The following RBFOX1 variants were observed in gnomAD, a reference collection of about 807,000 sequenced individuals.
RBFOX1 encodes RNA binding protein fox-1 homolog 1.
Under a neutral mutation model 57.7 loss-of-function variants are expected in RBFOX1, and 8 were observed. That is an observed-to-expected ratio of 0.14 (90% CI 0.08 to 0.25). RBFOX1 has a LOEUF of 0.25. RBFOX1 is among the 10% of genes least tolerant of loss of function. The probability of loss-of-function intolerance (pLI) is 1.00; values close to 1 mark genes in which losing one functional copy is unlikely to be tolerated. For missense variants in RBFOX1, 611 were observed against 548.5 expected, an observed-to-expected ratio of 1.11 and a Z score of -1.14; for synonymous variants, 326 against 222.4, an observed-to-expected ratio of 1.47 and a Z score of -4.15.
At chr16:5,464,789 T>C (rs568271590) in intron 1 of RBFOX1, among the ~76,000 whole-genome samples, 2 of 152,026 alleles carry the variant, frequency 1.3e-5, no homozygotes, top group African/African-American at 2.4e-5. Context: ...AAGGAGGCAA[T>C]AGAGAAGGAG....
At chr16:6,987,886 A>T (rs2090642856) in intron 3 of RBFOX1, among the ~76,000 whole-genome samples, 1 of 152,158 alleles carries the variant, frequency 6.6e-6, no homozygotes, top group Non-Finnish European at 1.5e-5. Flanking sequence ...TTTTATCCCT[A>T]TTCGGGTCAG....
At chr16:7,324,644 G>A (rs1227441987) in intron 4 of RBFOX1, among the ~76,000 whole-genome samples, 1 of 152,218 alleles carries the variant, frequency 6.6e-6, no homozygotes, top group Admixed American at 6.5e-5. Flanking sequence ...GGAGAATCAG[G>A]TCAGGAAGCG....
intron 1 of RBFOX1, among the ~76,000 whole-genome samples, chr16:6,261,871 CA>C (rs1555587550): frequency 4.6e-5 from 7 of 150,880 alleles, no homozygotes; most frequent in South Asian, 2.1e-4. Flanking sequence ...AAAACAAAAA[CA>C]AAAAAAACCT....
At chr16:7,557,367 C>T (rs1264276395) in intron 5 of RBFOX1, among the ~76,000 whole-genome samples, 1 of 151,980 alleles carries the variant, frequency 6.6e-6, no homozygotes, top group Non-Finnish European at 1.5e-5. Flanking sequence ...CACCTGTAAT[C>T]CCAGCACTTT....
intron 3 of RBFOX1, among the ~76,000 whole-genome samples, chr16:5,692,750 G>A (rs918098570): frequency 1.3e-5 from 2 of 152,044 alleles, no homozygotes; most frequent in South Asian, 2.1e-4. Context: ...CAAACCTGCC[G>A]GGATCATCAG....
At chr16:5,845,243 A>C (rs2056725581) in intron 3 of RBFOX1, among the ~76,000 whole-genome samples, 2 of 152,198 alleles carry the variant, frequency 1.3e-5, no homozygotes, top group South Asian at 2.1e-4. Flanking sequence ...CTCAGCCAGC[A>C]CTTCAAAGTT....
Position 6,981,601 on chromosome 16 carries a change from CATG to C in RBFOX1, c.-15-70452_-15-70450del, listed in dbSNP as rs755689307. Among the ~76,000 whole-genome samples the C allele has an allele frequency of 4.6e-5, 7 of 152,230 alleles. No homozygotes were observed. In the East Asian group the frequency reaches 1.4e-3, roughly 29 times the overall value. On this transcript the variant is annotated intron_variant, in intron 3 of 15. Transcript: ENST00000550418. ...CACGTGGCTGGGGAGGCCTCACAGT[CATG>C]ATGGGAGGCAAAGGAGGAGAGAAGT... is the stretch of plus-strand genomic sequence containing the variant.
intron 3 of RBFOX1, among the ~76,000 whole-genome samples, chr16:6,822,469 G>C (rs1291431311): frequency 6.6e-6 from 1 of 152,172 alleles, no homozygotes; most frequent in African/African-American, 2.4e-5. Context: ...CAGAGAAAGG[G>C]TTATAAATAA....
intron 4 of RBFOX1, among the ~76,000 whole-genome samples, chr16:7,470,843 T>A (rs1310825235): frequency 6.6e-6 from 1 of 151,920 alleles, no homozygotes; most frequent in Non-Finnish European, 1.5e-5. Context: ...ACACACCAGG[T>A]TAAAGTAGCA....
chr16:7,701,596 C>G (rs915296523), intron 14 of RBFOX1, among the ~76,000 whole-genome samples: 2 of 152,172 alleles, frequency 1.3e-5, no homozygotes, highest in Admixed American at 6.5e-5. Flanking sequence ...AGGCCAGGGA[C>G]TTCTCCTCTA....
chr16:6,898,303 C>T (rs2067479097), intron 3 of RBFOX1, among the ~76,000 whole-genome samples: 1 of 152,120 alleles, frequency 6.6e-6, no homozygotes, highest in African/African-American at 2.4e-5. Flanking sequence ...CCCTCCACGA[C>T]CTCTCAGAGC....
chr16:6,882,423 C>A (rs1001152356), intron 3 of RBFOX1, among the ~76,000 whole-genome samples: 2 of 151,982 alleles, frequency 1.3e-5, no homozygotes, highest in Non-Finnish European at 2.9e-5. Flanking sequence ...GATGAAACCC[C>A]ATCTTCACTA....
chr16:6,042,434 ACTGG>A, intron 1 of RBFOX1, among the ~76,000 whole-genome samples: 1 of 152,148 alleles, frequency 6.6e-6, no homozygotes, highest in Non-Finnish European at 1.5e-5. Flanking sequence ...CCGTGATTAT[ACTGG>A]ACCTATCCAG....
At chr16:7,367,713 G>C (rs2097482988) in intron 4 of RBFOX1, among the ~76,000 whole-genome samples, 1 of 152,312 alleles carries the variant, frequency 6.6e-6, no homozygotes, top group South Asian at 2.1e-4. Context: ...AAAGGAGGCA[G>C]CTTCTCCTTA....
At chr16:7,573,230 C>T (rs995758590) in intron 5 of RBFOX1, among the ~76,000 whole-genome samples, 5 of 151,902 alleles carry the variant, frequency 3.3e-5, no homozygotes, top group Non-Finnish European at 7.4e-5. Flanking sequence ...AATGCAAAGA[C>T]CAAAGATGGG....
At chr16:7,193,010 C>A (rs117587141) in intron 4 of RBFOX1, among the ~76,000 whole-genome samples, 1 of 152,142 alleles carries the variant, frequency 6.6e-6, no homozygotes, top group East Asian at 1.9e-4. Flanking sequence ...AAATAATGCC[C>A]TTGCCTTACC....
chr16:6,189,317 T>A (rs2097127396), intron 1 of RBFOX1, among the ~76,000 whole-genome samples: 1 of 152,228 alleles, frequency 6.6e-6, no homozygotes, highest in Non-Finnish European at 1.5e-5. Flanking sequence ...ATCAGGACAC[T>A]GAGTGCCATT....
chr16:5,361,123 T>A (rs1448845033), intron 1 of RBFOX1, among the ~76,000 whole-genome samples: 6 of 152,260 alleles, frequency 3.9e-5, no homozygotes, highest in African/African-American at 1.4e-4. Flanking sequence ...GTGGTTCTAT[T>A]GTCTTTTCAG....
At chr16:5,708,113 C>T (rs1473144) in intron 3 of RBFOX1, among the ~76,000 whole-genome samples, 105,677 of 151,994 alleles carry the variant, frequency 0.7, 37,767 homozygotes, top group African/African-American at 0.76. Flanking sequence ...CTTCCTGGAA[C>T]CTCTTATTTT....
Sources: allele counts gnomAD v4.1 joint callset (sites outside exome capture counted in the v4.1 genomes callset), GRCh38; gene constraint gnomAD v4.1.1; transcripts MANE v1.5; gene names NCBI Gene and HGNC (gene_info 2026-07-23, HGNC 2026-07-21).